The following SLCO5A1 variants were observed in gnomAD, a reference collection of about 807,000 sequenced individuals.
The protein encoded by SLCO5A1 is solute carrier organic anion transporter family member 5A1.
In SLCO5A1, 39 loss-of-function variants were observed where a neutral mutation model predicts 65.1. The ratio of observed to expected loss-of-function variants is 0.60; its 90% CI spans 0.46 to 0.78. The LOEUF (loss-of-function observed/expected upper bound fraction) is 0.78. Among genes scored for constraint, SLCO5A1 ranks in the 30% least tolerant of loss-of-function variants. SLCO5A1 has a pLI of 0.00. For missense variants in SLCO5A1, 1,029 were observed against 1,069.4 expected, an observed-to-expected ratio of 0.96 and a Z score of 0.53; for synonymous variants, 438 against 415.7, an observed-to-expected ratio of 1.05 and a Z score of -0.65.
At chr8:69,673,554 C>G (rs963114413) in intron 9 of SLCO5A1, among the ~76,000 whole-genome samples, 3 of 152,000 alleles carry the variant, frequency 2.0e-5, no homozygotes, top group African/African-American at 7.3e-5. Flanking sequence ...ACCCAGAATG[C>G]GCTGTTGATT....
At chr8:69,684,012 A>G (rs943367797) in intron 6 of SLCO5A1, among the ~76,000 whole-genome samples, 1 of 152,190 alleles carries the variant, frequency 6.6e-6, no homozygotes. Flanking sequence ...AATGGGGGAA[A>G]CAAATTCAAA....
chr8:69,760,762 A>T (rs1394138375), intron 3 of SLCO5A1, among the ~76,000 whole-genome samples: 1 of 152,216 alleles, frequency 6.6e-6, no homozygotes, highest in Non-Finnish European at 1.5e-5. Flanking sequence ...GACTGCAAGA[A>T]CTCAAACGCA....
At chr8:69,740,697 AG>A (rs1816755750) in intron 4 of SLCO5A1, among the ~76,000 whole-genome samples, 1 of 152,230 alleles carries the variant, frequency 6.6e-6, no homozygotes. Flanking sequence ...CAACTGGAGC[AG>A]AGATAATACA....
intron 2 of SLCO5A1, among the ~76,000 whole-genome samples, chr8:69,813,893 A>G (rs754058931): frequency 7.2e-5 from 11 of 152,222 alleles, no homozygotes; most frequent in Non-Finnish European, 1.6e-4. Context: ...GCCAGTGGTT[A>G]GATCCTCGGC....
At chr8:69,703,110 CAAAAAAA>C (rs34113730) in intron 6 of SLCO5A1, among the ~76,000 whole-genome samples, 60 of 82,876 alleles carry the variant, frequency 7.2e-4, no homozygotes, top group African/African-American at 1.6e-3. Flanking sequence ...GACTCTGTTT[CAAAAAAA>C]AAAAAAAGAA....
At chr8:69,788,066 T>C (rs929971712) in intron 2 of SLCO5A1, among the ~76,000 whole-genome samples, 2 of 152,060 alleles carry the variant, frequency 1.3e-5, no homozygotes, top group Non-Finnish European at 2.9e-5. Flanking sequence ...CTCATTAGAG[T>C]CCTACATAAC....
intron 2 of SLCO5A1, among the ~76,000 whole-genome samples, chr8:69,797,353 G>A (rs912370211): frequency 1.1e-4 from 17 of 152,262 alleles, no homozygotes; most frequent in Non-Finnish European, 2.4e-4. Context: ...TGATGATTGC[G>A]TTAACTGCAC....
At chr8:69,779,077 A>C (rs761196263) in intron 2 of SLCO5A1, among the ~76,000 whole-genome samples, 1 of 152,220 alleles carries the variant, frequency 6.6e-6, no homozygotes, top group Non-Finnish European at 1.5e-5. Flanking sequence ...TGCAACAGAC[A>C]TGGTACAGCC....
chr8:69,784,942 GAAAGAAA>G lies in SLCO5A1; in HGVS notation c.908-23074_908-23068del, dbSNP rs1239071495. On this transcript the variant is annotated intron_variant, in intron 2 of 9. Transcript: ENST00000260126. ...AGAAAGAAAGAAAGAAAGAAAGAAA[GAAAGAAA>G]GAAGAAAGGAAGGAAGAAAGAAAGA... Among the ~76,000 whole-genome samples the G allele has an allele frequency of 1.7e-3, 205 of 117,366 alleles. 1 individual carries two copies. The highest frequency in any genetic ancestry group is 6.6e-3 in the African/African-American group (196 of 29,480). 77.0% of individuals were successfully genotyped at this position (117,366 alleles called of 152,430 possible).
At chr8:69,689,146 G>T (rs1814128903) in intron 6 of SLCO5A1, among the ~76,000 whole-genome samples, 1 of 141,152 alleles carries the variant, frequency 7.1e-6, no homozygotes. Context: ...CTTTTGAGAA[G>T]TGTCTGTTCA....
chr8:69,733,474 G>A (rs757390925), intron 5 of SLCO5A1, among the ~76,000 whole-genome samples: 8 of 152,116 alleles, frequency 5.3e-5, no homozygotes, highest in Non-Finnish European at 7.4e-5. Context: ...ACTAGTTACC[G>A]GCAGTGAATG....
chr8:69,787,637 A>T (rs1819089160), intron 2 of SLCO5A1, among the ~76,000 whole-genome samples: 1 of 152,250 alleles, frequency 6.6e-6, no homozygotes, highest in Admixed American at 6.5e-5. Context: ...ACGAACAAGT[A>T]TTCACACTAA....
rs576745934 is a variant in SLCO5A1 at position 69,826,674 on chromosome 8, C to T, written c.907+5093G>A. ...GTGGAGAAATAGGAACACTTTTACA[C>T]TGTTGGTGGGACTAGTTCAACCAAC... On this transcript the variant is annotated intron_variant, in intron 2 of 9. Coordinates refer to ENST00000260126, the MANE Select transcript of SLCO5A1 (RefSeq NM_030958.3). 1.2e-4 allele frequency among the ~76,000 whole-genome samples: 18 copies of T among 152,222 alleles called. 1 individual carries two copies. The highest frequency in any genetic ancestry group is 2.2e-4 in the Non-Finnish European group (15 of 68,044).
At chr8:69,818,653 C>T (rs370232384) in intron 2 of SLCO5A1, among the ~76,000 whole-genome samples, 28 of 152,340 alleles carry the variant, frequency 1.8e-4, no homozygotes, top group African/African-American at 6.3e-4. Context: ...CACAGTGAGG[C>T]ACTAAAACCC....
rs970648153 is a variant in SLCO5A1, at chr8:69,668,230, A to C, written c.*4639T>G. 1 of 152,236 alleles carries C rather than the reference A, an allele frequency of 6.6e-6. No homozygotes were observed. Among genetic ancestry groups the C allele is most frequent in the African/African-American group, 2.4e-5 (1 of 41,458 alleles). The allele number at this position is 152,236 out of a possible 1,614,324, so 9.4% of individuals were successfully genotyped here. On this transcript the variant is annotated 3_prime_UTR_variant, in exon 10 of 10. Coordinates refer to ENST00000260126, the MANE Select transcript of SLCO5A1 (RefSeq NM_030958.3). ...GAAGTTTGGGACAGATACAGCCAGCAGCATCCCAAAAGATGAAGAAGAGAA... is the reference window on the plus strand; with the variant it reads ...GAAGTTTGGGACAGATACAGCCAGCCGCATCCCAAAAGATGAAGAAGAGAA...
chr8:69,804,788 T>C (rs953236861), intron 2 of SLCO5A1, among the ~76,000 whole-genome samples: 1 of 152,132 alleles, frequency 6.6e-6, no homozygotes, highest in Admixed American at 6.5e-5. Context: ...GAGGTGAACA[T>C]GGGAATTGTG....
At chr8:69,692,395 T>G (rs1031016256) in intron 6 of SLCO5A1, among the ~76,000 whole-genome samples, 2 of 152,232 alleles carry the variant, frequency 1.3e-5, no homozygotes. Context: ...GACATGACTG[T>G]GCACTGCTGT....
intron 9 of SLCO5A1, 44 bp from the exon 10 acceptor site, chr8:69,673,370 T>C (rs1480510743): frequency 6.6e-7 from 1 of 1,520,514 alleles, no homozygotes; most frequent in Admixed American, 1.8e-5. Flanking sequence ...TTAGCACATC[T>C]TCCAAGGGAA....
At chr8:69,811,215 G>A (rs1820192158) in intron 2 of SLCO5A1, among the ~76,000 whole-genome samples, 1 of 152,188 alleles carries the variant, frequency 6.6e-6, no homozygotes, top group African/African-American at 2.4e-5. Context: ...ACTGGATAGA[G>A]AAAGCATAAA....
Sources: gnomAD v4.1 joint callset for allele counts (sites outside exome capture counted in the v4.1 genomes callset) on GRCh38, gnomAD v4.1.1 for gene constraint, MANE v1.5 for transcripts, NCBI Gene and HGNC (gene_info 2026-07-23, HGNC 2026-07-21) for gene names.